The following ABCB4 variants were observed in gnomAD, a reference collection of about 807,000 sequenced individuals.
The protein encoded by ABCB4 is ATP binding cassette subfamily B member 4.
A neutral mutation model predicts 145.7 loss-of-function variants in ABCB4; 76 were observed. The observed-to-expected ratio is 0.52, with a 90% CI of 0.43 to 0.63. ABCB4 has a LOEUF of 0.63. Ranked by LOEUF, ABCB4 falls within the 30% of genes least tolerant of loss-of-function variation. The probability of loss-of-function intolerance (pLI) is 0.00; values close to 1 mark genes in which losing one functional copy is unlikely to be tolerated. For missense variants in ABCB4, 1,234 were observed against 1,553.1 expected (o/e 0.79, Z 3.45); for synonymous variants, 517 against 566.8 (o/e 0.91, Z 1.25).
At chr7:87,367,998 A>G in the ABCB4 span, among the ~76,000 whole-genome samples, 1 of 152,126 alleles carries the variant, frequency 6.6e-6, no homozygotes, top group Admixed American at 6.5e-5. Flanking sequence ...AAAACCATCC[A>G]TTGGTTTCCT....
chr7:87,422,169 C>G lies in ABCB4; in HGVS notation c.2268G>C (p.Leu756Phe). ...AAATAATTCCCAGAAATAAGAAAATCAAAGAGAATATGTTGCACTTCTGCT... is the reference window on the plus strand; with the variant it reads ...AAATAATTCCCAGAAATAAGAAAATGAAAGAGAATATGTTGCACTTCTGCT... ...VKQQKCNIFS[L>F]IFLFLGIISF... is the part of the protein sequence containing the mutation. The change falls in exon 18 of 28, where the codon TTG (leucine) becomes TTC (phenylalanine). Residue 756 changes from leucine (L) to phenylalanine (F), a missense_variant. Transcript: ENST00000649586. 1.2e-6 allele frequency: 2 copies of G among 1,613,484 alleles called. No homozygotes were observed. Among genetic ancestry groups the G allele is most frequent in the Non-Finnish European group, 1.7e-6 (2 of 1,179,650 alleles).
chr7:87,417,227 A>G lies in ABCB4; in HGVS notation c.2682+85T>C, dbSNP rs1562957448. ...GTGGGCACAAACATTTAATTATTAAAGCCTGCATATCATGATAAATAATTC... is the reference window on the plus strand; with the variant it reads ...GTGGGCACAAACATTTAATTATTAAGGCCTGCATATCATGATAAATAATTC... On this transcript the variant is annotated intron_variant, in intron 21 of 27. Coordinates refer to ENST00000649586, the MANE Select transcript of ABCB4 (RefSeq NM_000443.4). 5 of 1,263,176 alleles carry G rather than the reference A, an allele frequency of 4.0e-6. No homozygotes were observed. In the Admixed American group the frequency reaches 7.1e-5, roughly 18 times the overall value. 78.2% of individuals were successfully genotyped at this position (1,263,176 alleles called of 1,614,324 possible).
chr7:87,461,684 A>G (rs1285055843), intron 4 of ABCB4, among the ~76,000 whole-genome samples: 1 of 152,248 alleles, frequency 6.6e-6, no homozygotes, highest in East Asian at 1.9e-4. Flanking sequence ...AAACTTTTAT[A>G]GGAGTTTGCT....
intron 23 of ABCB4, 106 bp downstream of exon 23, chr7:87,411,787 A>G (rs988203735): frequency 3.9e-6 from 4 of 1,026,798 alleles, no homozygotes; most frequent in Non-Finnish European, 5.9e-6. Context: ...TAAATCCCTG[A>G]CCTCATCTTT....
chr7:87,458,598 T>A (rs563847770), intron 4 of ABCB4, among the ~76,000 whole-genome samples: 3 of 152,192 alleles, frequency 2.0e-5, no homozygotes, highest in Non-Finnish European at 4.4e-5. Context: ...TCTACAACTC[T>A]CAACACATCA....
the ABCB4 span, among the ~76,000 whole-genome samples, chr7:87,384,858 A>T: frequency 6.6e-6 from 1 of 152,214 alleles, no homozygotes; most frequent in Non-Finnish European, 1.5e-5. Context: ...CTTATATTTA[A>T]GCCTTTAATC....
the ABCB4 span, among the ~76,000 whole-genome samples, chr7:87,371,245 A>AT: frequency 1.3e-5 from 2 of 152,084 alleles, no homozygotes; most frequent in Admixed American, 6.6e-5. Context: ...GAGTTAATTG[A>AT]TTTTTTTGTT....
rs1424931435 is a variant in ABCB4, at chr7:87,447,935, T to G, written c.834-730A>C. ...AGTAGTACAGTAGCTGGTTCATAGT[T>G]AGCAAGCCTGATCATTTCTCTTACT... On this transcript the variant is annotated intron_variant, in intron 8 of 27. Coordinates refer to ENST00000649586, the MANE Select transcript of ABCB4 (RefSeq NM_000443.4). Among the ~76,000 whole-genome samples, 16 of 152,338 alleles carry G rather than the reference T, an allele frequency of 1.1e-4. No individual in the cohort carries two copies. The South Asian group carries it at 2.9e-3, about 28-fold the overall frequency.
chr7:87,443,856 A>G (rs1377924917), intron 10 of ABCB4, 83 bp from the exon 11 acceptor site: 8 of 1,022,066 alleles, frequency 7.8e-6, no homozygotes, highest in South Asian at 6.6e-5. Flanking sequence ...GCAAATTCCA[A>G]AAATAGGACC....
rs1810199519 is a variant in ABCB4, at chr7:87,431,279, C to T, written c.1893+125G>A. ...ATTCTGATTTAAAGTCTCAGATATA[C>T]ACTTTTAGGCATCTTGTTGAAGTTT... On this transcript the variant is annotated intron_variant, in intron 15 of 27. Coordinates refer to ENST00000649586, the MANE Select transcript of ABCB4 (RefSeq NM_000443.4). The T allele has an allele frequency of 1.4e-5, 18 of 1,249,242 alleles. 1 individual carries two copies. In the South Asian group the frequency reaches 2.3e-4, roughly 16 times the overall value. 77.4% of individuals were successfully genotyped at this position (1,249,242 alleles called of 1,614,324 possible).
the ABCB4 span, among the ~76,000 whole-genome samples, chr7:87,391,326 G>A: frequency 1.3e-5 from 2 of 152,216 alleles, no homozygotes; most frequent in Non-Finnish European, 2.9e-5. Flanking sequence ...ATAAATAGCA[G>A]GAGGCAGGAA....
At chr7:87,423,515 C>G in intron 17 of ABCB4, 1 of 307,150 alleles carries the variant, frequency 3.3e-6, no homozygotes, top group Non-Finnish European at 6.3e-6. Flanking sequence ...CCAGTCTATA[C>G]CCAGTGCCTG....
chr7:87,418,543 G>A lies in ABCB4; in HGVS notation c.2472C>T (p.Val824=). The A allele has an allele frequency of 6.2e-7, 1 of 1,614,056 alleles. No homozygotes were observed. The highest frequency in any genetic ancestry group is 1.3e-5 in the African/African-American group (1 of 75,016). Residue 824 remains valine (V), a synonymous_variant, in exon 20 of 28, where the codon GTC becomes GTT. Coordinates refer to ENST00000649586, the MANE Select transcript of ABCB4 (RefSeq NM_000443.4). ...STRLATDAAQ[V]QGATGTRLAL... ...TAGAGTGCAGTCTACCTACTCCTTG[G>A]ACTTGGGCAGCATCTGTGGCAAGTC...
In ABCB4 at chr7:87,475,345, T is replaced by C. The variant is rs373325153; in HGVS notation, c.80+41A>G. On this transcript the variant is annotated intron_variant, in intron 2 of 27. Transcript: ENST00000649586. ...CCAAGGGTGAACTTAGTCCTGCTGA[T>C]TGGCGTGTAACGGAAAAGCCAGTGG... 17 of 1,610,062 alleles carry C rather than the reference T, an allele frequency of 1.1e-5. No individual in the cohort carries two copies. The Admixed American group carries it at 1.2e-4, about 11-fold the overall frequency.
rs45526441 is a variant in ABCB4, at chr7:87,408,413, G to C, written c.3082-179C>G. On this transcript the variant is annotated intron_variant, in intron 24 of 27. Coordinates refer to ENST00000649586, the MANE Select transcript of ABCB4 (RefSeq NM_000443.4). ...TTATTATGGTGTGAAATGAAGGTGA[G>C]AGATAGGGGTATAGGTGAGATTAGA... Among the ~76,000 whole-genome samples the C allele has an allele frequency of 0.033, 5,076 of 152,284 alleles. 121 individuals are homozygous for C. Among genetic ancestry groups the C allele is most frequent in the Non-Finnish European group, 0.048 (3,232 of 68,022 alleles).
chr7:87,412,902 T>G (rs1476468057), intron 22 of ABCB4, among the ~76,000 whole-genome samples: 1 of 152,214 alleles, frequency 6.6e-6, no homozygotes, highest in Non-Finnish European at 1.5e-5. Flanking sequence ...CACAAAGGTG[T>G]AGCTGCATGT....
At chr7:87,445,678 A>G (rs1811298359) in intron 9 of ABCB4, among the ~76,000 whole-genome samples, 1 of 152,228 alleles carries the variant, frequency 6.6e-6, no homozygotes, top group Admixed American at 6.5e-5. Context: ...AAACTTCTAC[A>G]TATAATTTGG....
chr7:87,453,495 T>C (rs1036909142), intron 5 of ABCB4, among the ~76,000 whole-genome samples: 5 of 152,008 alleles, frequency 3.3e-5, no homozygotes, highest in African/African-American at 1.2e-4. Context: ...CCATCCTTTA[T>C]TCATCTCTTT....
the ABCB4 span, among the ~76,000 whole-genome samples, chr7:87,376,528 T>A: frequency 1.3e-5 from 2 of 152,010 alleles, no homozygotes; most frequent in African/African-American, 4.8e-5. Flanking sequence ...GTATTAGAAA[T>A]CTCATAGTCT....
Sources: allele counts gnomAD v4.1 joint callset (sites outside exome capture counted in the v4.1 genomes callset), GRCh38; gene constraint gnomAD v4.1.1; transcripts MANE v1.5; gene names NCBI Gene and HGNC (gene_info 2026-07-23, HGNC 2026-07-21).